The following BMP2K variants were observed in gnomAD, a reference collection of about 807,000 sequenced individuals.
BMP2K encodes the protein BMP2 inducible kinase.
A neutral mutation model predicts 116.0 loss-of-function variants in BMP2K; 74 were observed. The ratio of observed to expected loss-of-function variants is 0.64; its 90% CI spans 0.53 to 0.77. The LOEUF is 0.77. BMP2K is among the 30% of genes least tolerant of loss of function. BMP2K has a pLI of 0.00. For synonymous variants in BMP2K, 486 were observed against 502.5 expected (o/e 0.97, Z 0.44); for missense variants, 1,365 against 1,403.6 (o/e 0.97, Z 0.44).
chr4:78,853,338 A>T (rs142344704), intron 7 of BMP2K, among the ~76,000 whole-genome samples: 8 of 152,176 alleles, frequency 5.3e-5, no homozygotes, highest in Non-Finnish European at 1.0e-4. Flanking sequence ...TAAACCTATT[A>T]ATTTCTTCTT....
chr4:78,906,981 T>A (rs144133371), intron 15 of BMP2K, among the ~76,000 whole-genome samples: 1,525 of 152,144 alleles, frequency 0.01, 12 homozygotes, highest in Non-Finnish European at 0.014. Context: ...TCATAGTATA[T>A]AAATAAAGTG....
intron 1 of BMP2K, among the ~76,000 whole-genome samples, chr4:78,787,666 C>T (rs934238896): frequency 6.6e-6 from 1 of 152,054 alleles, no homozygotes; most frequent in Non-Finnish European, 1.5e-5. Context: ...CTCCTTAAGG[C>T]TCCTGGGGAG....
chr4:78,899,700 T>A (rs1733897018), intron 15 of BMP2K, among the ~76,000 whole-genome samples: 1 of 152,016 alleles, frequency 6.6e-6, no homozygotes, highest in Non-Finnish European at 1.5e-5. Flanking sequence ...TTTTGAAATG[T>A]CCACAGGGTT....
intron 14 of BMP2K, chr4:78,879,200 A>G: frequency 9.4e-7 from 1 of 1,064,834 alleles, no homozygotes; most frequent in Non-Finnish European, 1.1e-6. Flanking sequence ...ATGTTTCAAT[A>G]AAAAGGGAGA....
chr4:78,891,298 C>T (rs1431366816), intron 15 of BMP2K, among the ~76,000 whole-genome samples: 2 of 152,124 alleles, frequency 1.3e-5, no homozygotes, highest in African/African-American at 4.8e-5. Context: ...TCCTCTTTCT[C>T]TTCCTCCTTA....
At chr4:78,880,577 T>G (rs1732846822) in intron 14 of BMP2K, among the ~76,000 whole-genome samples, 1 of 152,218 alleles carries the variant, frequency 6.6e-6, no homozygotes, top group African/African-American at 2.4e-5. Flanking sequence ...CTTATAAAAA[T>G]GTGTTATTCT....
At chr4:78,795,668 C>T (rs934659505) in intron 1 of BMP2K, among the ~76,000 whole-genome samples, 1 of 152,074 alleles carries the variant, frequency 6.6e-6, no homozygotes, top group South Asian at 2.1e-4. Context: ...CCAGAATCTA[C>T]AATGAACTCT....
At chr4:78,881,534 A>G (rs1732883960) in intron 14 of BMP2K, among the ~76,000 whole-genome samples, 1 of 152,154 alleles carries the variant, frequency 6.6e-6, no homozygotes, top group Admixed American at 6.5e-5. Flanking sequence ...AAAGTTGTGT[A>G]TAAAATGTAG....
intron 13 of BMP2K, 58 bp downstream of exon 13, chr4:78,872,856 G>A (rs1203259228): frequency 1.3e-6 from 2 of 1,520,462 alleles, no homozygotes; most frequent in Admixed American, 3.5e-5. Context: ...AGTCATCGTT[G>A]AATGGTCGGT....
At chr4:78,817,291 C>T (rs1729397237) in intron 1 of BMP2K, among the ~76,000 whole-genome samples, 1 of 152,190 alleles carries the variant, frequency 6.6e-6, no homozygotes, top group African/African-American at 2.4e-5. Flanking sequence ...GGTTAAGGGA[C>T]ATAGTCCAAC....
chr4:78,860,718 T>C (rs1016502411), intron 8 of BMP2K, among the ~76,000 whole-genome samples: 13 of 151,534 alleles, frequency 8.6e-5, no homozygotes, highest in African/African-American at 2.9e-4. Context: ...GTTTCCTTTA[T>C]GTGTAACTTA....
At chr4:78,891,067 A>G (rs191129240) in intron 15 of BMP2K, among the ~76,000 whole-genome samples, 265 of 152,270 alleles carry the variant, frequency 1.7e-3, no homozygotes, top group Admixed American at 3.3e-3. Context: ...TTTGCTGCCT[A>G]AAAGTTTGTA....
At chr4:78,910,290 TTGG>T (rs1734516781) in intron 15 of BMP2K, among the ~76,000 whole-genome samples, 1 of 152,170 alleles carries the variant, frequency 6.6e-6, no homozygotes, top group Admixed American at 6.5e-5. Context: ...TAATGTTATT[TTGG>T]TGGTGGGGTG....
In BMP2K at chr4:78,911,014, A is replaced by C. The variant is rs778805169; in HGVS notation, c.2467A>C (p.Arg823=). ...TGACATGAGCTCTGTCTACAGAGAC[A>C]GATCTGGCAGTGGACCAACCCAAGA... is the stretch of plus-strand genomic sequence containing the variant. ...YSDMSSVYRD[R]SGSGPTQDLN... The change falls in exon 16 of 16, where the codon AGA becomes CGA. Residue 823 remains arginine (R), a synonymous_variant. Coordinates refer to ENST00000502613, the MANE Select transcript of BMP2K (RefSeq NM_198892.2). 1 of 1,613,748 alleles carries C rather than the reference A, an allele frequency of 6.2e-7. No individual in the cohort carries two copies. The highest frequency in any genetic ancestry group is 8.5e-7 in the Non-Finnish European group (1 of 1,179,852).
chr4:78,788,895 GTT>G (rs369759418), intron 1 of BMP2K, among the ~76,000 whole-genome samples: 19 of 107,310 alleles, frequency 1.8e-4, no homozygotes, highest in Non-Finnish European at 1.2e-4. Flanking sequence ...AATAGTGGCT[GTT>G]TTTTTTTTTT....
intron 1 of BMP2K, among the ~76,000 whole-genome samples, chr4:78,816,052 G>T (rs1232514456): frequency 1.7e-4 from 26 of 152,094 alleles, no homozygotes; most frequent in Admixed American, 1.7e-3. Context: ...TCTAAAAAAT[G>T]GGTCACATTG....
At chr4:78,847,039 A>G (rs987521934) in intron 5 of BMP2K, 149 bp from the exon 6 acceptor site, 1 of 335,786 alleles carries the variant, frequency 3.0e-6, no homozygotes, top group African/African-American at 2.2e-5. Context: ...CGGGTTTTTA[A>G]TGAGTTTTTA....
At position 78,911,624 on chromosome 4, in the gene BMP2K, G is replaced by T; in HGVS notation, c.3077G>T (p.Arg1026Leu). 1 of 1,613,950 alleles carries T rather than the reference G, an allele frequency of 6.2e-7. No homozygotes were observed. Among genetic ancestry groups the T allele is most frequent in the South Asian group, 1.1e-5 (1 of 91,076 alleles). Residue 1026 changes from arginine (R) to leucine (L), a missense_variant, in exon 16 of 16, where the codon CGC becomes CTC. Arg to Leu is a moderately radical substitution (Grantham distance 102, BLOSUM62 -2). This residue lies in a region of BMP2K where 596 missense variants were observed against 623.2 expected (regional missense o/e 0.96). Coordinates refer to ENST00000502613, the MANE Select transcript of BMP2K (RefSeq NM_198892.2). ...ERARRHKKVG[R>L]RDSQSSNEFL... The stretch of plus-strand genomic sequence containing the variant: ...GCTCGCAGGCACAAAAAAGTGGGCC[G>T]CCGAGACTCTCAAAGTAGCAATGAA...
At chr4:78,791,526 T>G (rs925418687) in intron 1 of BMP2K, among the ~76,000 whole-genome samples, 1 of 152,158 alleles carries the variant, frequency 6.6e-6, no homozygotes, top group African/African-American at 2.4e-5. Flanking sequence ...ATTCAAATTG[T>G]TGTGCATTCA....
Sources: gnomAD v4.1 joint callset for allele counts (sites outside exome capture counted in the v4.1 genomes callset) on GRCh38, gnomAD v4.1.1 for gene constraint, gnomAD v4.1.1 regional missense constraint, MANE v1.5 for transcripts, NCBI Gene and HGNC (gene_info 2026-07-23, HGNC 2026-07-21) for gene names.